F13A1: variants seen among roughly 807,000 people sequenced by gnomAD.
F13A1 encodes the protein FSF, A subunit.
In F13A1, 47 loss-of-function variants were observed where a neutral mutation model predicts 80.1. The observed-to-expected ratio is 0.59, with a 90% CI of 0.46 to 0.75. F13A1 has a LOEUF of 0.75. F13A1 is among the 30% of genes least tolerant of loss of function. The pLI is 0.00. For synonymous variants in F13A1, 349 were observed against 344.9 expected (o/e 1.01, Z -0.13); for missense variants, 817 against 930.4 (o/e 0.88, Z 1.59).
chr6:6,304,367 T>G (rs1437680295), intron 3 of F13A1, among the ~76,000 whole-genome samples: 1 of 152,206 alleles, frequency 6.6e-6, no homozygotes, highest in Non-Finnish European at 1.5e-5. Flanking sequence ...TCCTATGTTG[T>G]GCCACCCCTG....
intron 13 of F13A1, among the ~76,000 whole-genome samples, chr6:6,159,945 C>T (rs775119481): frequency 2.6e-5 from 4 of 152,076 alleles, no homozygotes; most frequent in African/African-American, 9.7e-5. Context: ...AAGAAAGTGG[C>T]GCAACCTTTC....
chr6:6,276,889 G>A (rs1159616539), intron 3 of F13A1, among the ~76,000 whole-genome samples: 12 of 152,040 alleles, frequency 7.9e-5, no homozygotes, highest in Non-Finnish European at 1.6e-4. Context: ...TAACCACACA[G>A]GTAGTGAATA....
rs1583060297 is a variant in F13A1 at position 6,184,554 on chromosome 6, G to A, written c.1306-2413C>T. Among the ~76,000 whole-genome samples the A allele has an allele frequency of 5.9e-5, 9 of 152,352 alleles. No homozygotes were observed. In the South Asian group the frequency reaches 1.9e-3, roughly 32 times the overall value. ...TACCTGTGGAATATTTGTCATTTTGGAAGCTTTAAATGAGCTGTCTGAGAA... is the reference window on the plus strand; with the variant it reads ...TACCTGTGGAATATTTGTCATTTTGAAAGCTTTAAATGAGCTGTCTGAGAA... On this transcript the variant is annotated intron_variant, in intron 10 of 14. Transcript: ENST00000264870.
At position 6,174,801 on chromosome 6, in the gene F13A1, G is replaced by A; in HGVS notation, c.1526C>T (p.Thr509Ile). 6.2e-7 allele frequency: 1 copy of A among 1,614,164 alleles called. No individual in the cohort carries two copies. The highest frequency in any genetic ancestry group is 8.5e-7 in the Non-Finnish European group (1 of 1,180,032). Residue 509 changes from threonine to isoleucine, a missense_variant, in exon 12 of 15, where the codon ACA becomes ATA. Transcript: ENST00000264870. ...LMYGAKKPLN[T>I]EGVMKSRSNV... is the part of the protein sequence containing the mutation. ...GGACCTTGATTTCATGACACCTTCTGTGTTGAGGGGCTTTTTAGCTCCGTA... is the reference window on the plus strand; with the variant it reads ...GGACCTTGATTTCATGACACCTTCTATGTTGAGGGGCTTTTTAGCTCCGTA...
At chr6:6,227,324 A>G (rs74712517) in intron 6 of F13A1, among the ~76,000 whole-genome samples, 1,607 of 152,320 alleles carry the variant, frequency 0.011, 26 homozygotes, top group African/African-American at 0.037. Flanking sequence ...GAAGAACTTT[A>G]TGAACCACAC....
intron 10 of F13A1, among the ~76,000 whole-genome samples, chr6:6,186,494 G>T (rs1340095268): frequency 2.0e-5 from 3 of 152,236 alleles, no homozygotes; most frequent in South Asian, 2.1e-4. Context: ...TTTCCCCATT[G>T]CTTGTTTTTG....
In F13A1 at chr6:6,243,033, A is replaced by G. The variant is rs992894515; in HGVS notation, c.798+5279T>C. Among the ~76,000 whole-genome samples, 17 of 152,204 alleles carry G rather than the reference A, an allele frequency of 1.1e-4. No homozygotes were observed. Among genetic ancestry groups the G allele is most frequent in the African/African-American group, 3.9e-4 (16 of 41,442 alleles). On this transcript the variant is annotated intron_variant, in intron 6 of 14. Coordinates refer to ENST00000264870, the MANE Select transcript of F13A1 (RefSeq NM_000129.4). The surrounding 1 kb of genome is among the most constrained non-coding windows in gnomAD (Gnocchi z 4.2). ...TTAATTTTGTTCACAATTGTACTCC[A>G]GTGTTCAGACTGGTAGATTGCCATA...
intron 2 of F13A1, among the ~76,000 whole-genome samples, chr6:6,318,016 G>C (rs1369785958): frequency 6.6e-6 from 1 of 152,184 alleles, no homozygotes; most frequent in Admixed American, 6.5e-5. Flanking sequence ...AGCTCACCAG[G>C]CTGCTCTGGA....
intron 6 of F13A1, among the ~76,000 whole-genome samples, chr6:6,228,941 G>C (rs549982223): frequency 2.3e-4 from 35 of 152,252 alleles, no homozygotes; most frequent in Admixed American, 9.2e-4. Flanking sequence ...TGGAGTGACA[G>C]ATGTAGGAGA....
At chr6:6,315,457 A>C in intron 2 of F13A1, among the ~76,000 whole-genome samples, 1 of 151,824 alleles carries the variant, frequency 6.6e-6, no homozygotes. Context: ...TTTTTCTTGA[A>C]TATCATGGTG....
intron 5 of F13A1, among the ~76,000 whole-genome samples, chr6:6,249,723 C>A (rs536449473): frequency 6.6e-6 from 1 of 152,214 alleles, no homozygotes; most frequent in South Asian, 2.1e-4. Context: ...AAATTGGGGA[C>A]CCAAGACAAG....
intron 9 of F13A1, among the ~76,000 whole-genome samples, chr6:6,196,411 A>G (rs1280223957): frequency 6.6e-6 from 1 of 152,148 alleles, no homozygotes; most frequent in Admixed American, 6.5e-5. Context: ...AATTTTAACC[A>G]CCTATCTATA....
chr6:6,220,241 T>G lies in F13A1; in HGVS notation c.1112+1792A>C, dbSNP rs149073076. On this transcript the variant is annotated intron_variant, in intron 8 of 14. Coordinates refer to ENST00000264870, the MANE Select transcript of F13A1 (RefSeq NM_000129.4). ...GGAAGAGGAGTCTCGGGCAGTGGTC[T>G]GCAGTGGAGGGTGGGTGAGGGTCCC... Among the ~76,000 whole-genome samples, 659 of 152,236 alleles carry G rather than the reference T, an allele frequency of 4.3e-3. 7 individuals are homozygous for G. The highest frequency in any genetic ancestry group is 0.015 in the African/African-American group (634 of 41,542).
chr6:6,302,809 C>A lies in F13A1; in HGVS notation c.319+2542G>T, dbSNP rs184137520. 2.2e-3 allele frequency among the ~76,000 whole-genome samples: 338 copies of A among 152,342 alleles called. 2 individuals carry two copies. Among genetic ancestry groups the A allele is most frequent in the Non-Finnish European group, 4.3e-3 (294 of 68,030 alleles). ...TCTCATAAGATCACCTATGCATGAT[C>A]TGTCATTGACTGAAATGTTGCTATG... On this transcript the variant is annotated intron_variant, in intron 3 of 14. Transcript: ENST00000264870.
chr6:6,159,073 T>G (rs566553588), intron 13 of F13A1, among the ~76,000 whole-genome samples: 3 of 152,214 alleles, frequency 2.0e-5, no homozygotes, highest in Non-Finnish European at 4.4e-5. Context: ...GCCTAATTTT[T>G]TGTACTTTTA....
intron 4 of F13A1, among the ~76,000 whole-genome samples, chr6:6,257,807 GTTTTGCT>G (rs1267832933): frequency 1.3e-5 from 2 of 152,172 alleles, no homozygotes; most frequent in South Asian, 4.1e-4. Context: ...TAATTTGCCT[GTTTTGCT>G]GGTTAAGGGC....
chr6:6,185,950 A>T (rs1319318511), intron 10 of F13A1, among the ~76,000 whole-genome samples: 5 of 149,572 alleles, frequency 3.3e-5, no homozygotes, highest in Admixed American at 6.6e-5. Context: ...TGTGGTTTTG[A>T]TTTGCATTTC....
At chr6:6,178,032 G>A (rs1044899292) in intron 11 of F13A1, among the ~76,000 whole-genome samples, 20 of 101,582 alleles carry the variant, frequency 2.0e-4, no homozygotes, top group Non-Finnish European at 3.7e-4. Flanking sequence ...ATGCCCTGGA[G>A]GCCACAGGGA....
intron 4 of F13A1, among the ~76,000 whole-genome samples, chr6:6,262,870 A>G (rs1025705235): frequency 6.6e-6 from 1 of 152,060 alleles, no homozygotes; most frequent in Admixed American, 6.5e-5. Context: ...CTGGATTCCA[A>G]CCACTCAAGG....
Sources: allele counts gnomAD v4.1 joint callset (sites outside exome capture counted in the v4.1 genomes callset), GRCh38; gene constraint gnomAD v4.1.1; non-coding constraint Gnocchi (gnomAD v3.1); transcripts MANE v1.5; gene names NCBI Gene and HGNC (gene_info 2026-07-23, HGNC 2026-07-21).